TACR3: variants seen among roughly 807,000 people sequenced by gnomAD.
TACR3 encodes the protein tachykinin receptor 3.
In TACR3, 34 loss-of-function variants were observed where a neutral mutation model predicts 35.0. That is an observed-to-expected ratio of 0.97 (90% CI 0.74 to 1.30). The LOEUF (loss-of-function observed/expected upper bound fraction) is 1.30, where lower values mean the gene tolerates loss of function less well. TACR3 is among the 50% of genes most tolerant of loss of function. The pLI is 0.00. For missense variants in TACR3, 558 were observed against 591.7 expected, an observed-to-expected ratio of 0.94 and a Z score of 0.59; for synonymous variants, 233 against 221.1, an observed-to-expected ratio of 1.05 and a Z score of -0.48.
chr4:103,627,372 A>G (rs1472040583), intron 3 of TACR3, among the ~76,000 whole-genome samples: 1 of 134,626 alleles, frequency 7.4e-6, no homozygotes, highest in Non-Finnish European at 1.6e-5. Flanking sequence ...AAAAAAAAAA[A>G]AAAAAGCTGG....
chr4:103,602,987 G>A (rs780660261), intron 3 of TACR3, among the ~76,000 whole-genome samples: 73 of 152,360 alleles, frequency 4.8e-4, no homozygotes, highest in South Asian at 1.2e-3. Flanking sequence ...TACACCAAGA[G>A]GTGGAGCCTA....
At chr4:103,603,972 A>C (rs1724279935) in intron 3 of TACR3, among the ~76,000 whole-genome samples, 1 of 152,258 alleles carries the variant, frequency 6.6e-6, no homozygotes, top group South Asian at 2.1e-4. Context: ...TGCCCAAAGT[A>C]ATTTATAGAT....
chr4:103,709,048 A>C (rs1289981656), intron 1 of TACR3, among the ~76,000 whole-genome samples: 5 of 152,208 alleles, frequency 3.3e-5, no homozygotes. Context: ...CCTGCAAGTG[A>C]CGGGGAGAAT....
intron 3 of TACR3, among the ~76,000 whole-genome samples, chr4:103,629,006 A>G (rs563907994): frequency 1.3e-5 from 2 of 152,314 alleles, no homozygotes; most frequent in East Asian, 1.9e-4. Context: ...AATAAATGTA[A>G]TCCATCGTAT....
intron 3 of TACR3, among the ~76,000 whole-genome samples, chr4:103,606,936 C>G (rs1388303161): frequency 6.6e-6 from 1 of 152,074 alleles, no homozygotes; most frequent in Non-Finnish European, 1.5e-5. Context: ...TTTGCCCATT[C>G]AGTATGATAT....
chr4:103,685,484 T>C (rs1578256881), intron 1 of TACR3, among the ~76,000 whole-genome samples: 1 of 152,116 alleles, frequency 6.6e-6, no homozygotes, highest in East Asian at 1.9e-4. Flanking sequence ...AATAAAAAGT[T>C]CATATGAGCA....
chr4:103,651,539 G>T (rs1314804571), intron 3 of TACR3, among the ~76,000 whole-genome samples: 1 of 151,542 alleles, frequency 6.6e-6, no homozygotes, highest in African/African-American at 2.4e-5. Context: ...AAGTGTCAAG[G>T]TCTGTAATCA....
intron 3 of TACR3, among the ~76,000 whole-genome samples, chr4:103,642,636 C>T (rs763136471): frequency 2.6e-5 from 4 of 151,510 alleles, no homozygotes; most frequent in East Asian, 1.9e-4. Context: ...CAGAGTAGAA[C>T]GGTGATTACC....
At chr4:103,625,900 T>A (rs1724881779) in intron 3 of TACR3, among the ~76,000 whole-genome samples, 1 of 152,160 alleles carries the variant, frequency 6.6e-6, no homozygotes, top group South Asian at 2.1e-4. Flanking sequence ...CAAAAATAAC[T>A]GTGCTTTTAT....
At chr4:103,592,200 A>G (rs562388064) in intron 3 of TACR3, among the ~76,000 whole-genome samples, 88 of 152,308 alleles carry the variant, frequency 5.8e-4, no homozygotes, top group Non-Finnish European at 9.7e-4. Context: ...AACCTTATGA[A>G]TATTAATTTG....
chr4:103,680,399 G>A (rs1187876831), intron 1 of TACR3, among the ~76,000 whole-genome samples: 1 of 150,018 alleles, frequency 6.7e-6, no homozygotes, highest in Non-Finnish European at 1.5e-5. Context: ...CAAACAACAT[G>A]TATTATAATA....
Position 103,591,607 on chromosome 4 carries a change from G to T in TACR3, c.965C>A (p.Thr322Asn). The stretch of plus-strand genomic sequence containing the variant: ...TCTATTTAGTTGTTGATAGATTGCA[G>T]TGAGAATGAAGTAAATATGATAGGG... ...WLPYHIYFIL[T>N]AIYQQLNRWK... Residue 322 changes from threonine (T) to asparagine (N), a missense_variant, in exon 4 of 5, where the codon ACT becomes AAT. By Grantham distance (65) the Thr-to-Asn change is moderately conservative. Coordinates refer to ENST00000304883, the MANE Select transcript of TACR3 (RefSeq NM_001059.3). 6.2e-7 allele frequency: 1 copy of T among 1,613,806 alleles called. No individual in the cohort carries two copies.
At chr4:103,590,911 AC>A (rs1723877886) in intron 4 of TACR3, among the ~76,000 whole-genome samples, 1 of 152,040 alleles carries the variant, frequency 6.6e-6, no homozygotes. Context: ...CTTTCCCTTG[AC>A]CACTGTGATT....
chr4:103,605,475 C>G (rs1578223205), intron 3 of TACR3, among the ~76,000 whole-genome samples: 1 of 130,270 alleles, frequency 7.7e-6, no homozygotes, highest in South Asian at 2.5e-4. Flanking sequence ...TTCTCCACAT[C>G]CTCTCCAGCA....
intron 1 of TACR3, among the ~76,000 whole-genome samples, chr4:103,687,425 G>T (rs938792645): frequency 6.6e-5 from 10 of 152,062 alleles, no homozygotes; most frequent in Non-Finnish European, 1.3e-4. Flanking sequence ...GGAAATAAAG[G>T]GTATTCAGTT....
At chr4:103,690,020 T>A (rs892395751) in intron 1 of TACR3, among the ~76,000 whole-genome samples, 1 of 152,076 alleles carries the variant, frequency 6.6e-6, no homozygotes, top group African/African-American at 2.4e-5. Flanking sequence ...TGGCTTTTCA[T>A]TGAAAATAAT....
At chr4:103,598,661 T>C (rs1452985006) in intron 3 of TACR3, among the ~76,000 whole-genome samples, 2 of 152,204 alleles carry the variant, frequency 1.3e-5, no homozygotes, top group African/African-American at 4.8e-5. Flanking sequence ...CAGTTTCAGC[T>C]TTCTACATAT....
At chr4:103,705,303 T>C (rs921289648) in intron 1 of TACR3, among the ~76,000 whole-genome samples, 2 of 152,152 alleles carry the variant, frequency 1.3e-5, no homozygotes, top group African/African-American at 4.8e-5. Context: ...GCCTGTTTCA[T>C]TGCATGCTTA....
chr4:103,704,494 A>C (rs1400624033), intron 1 of TACR3, among the ~76,000 whole-genome samples: 1 of 152,206 alleles, frequency 6.6e-6, no homozygotes, highest in Non-Finnish European at 1.5e-5. Flanking sequence ...CAGGAAACTT[A>C]CAGTCATGGC....
Sources: gnomAD v4.1 joint callset for allele counts (sites outside exome capture counted in the v4.1 genomes callset) on GRCh38, gnomAD v4.1.1 for gene constraint, MANE v1.5 for transcripts, NCBI Gene and HGNC (gene_info 2026-07-23, HGNC 2026-07-21) for gene names.